The following RNF216 variants were observed in gnomAD, a reference collection of about 807,000 sequenced individuals.
The protein encoded by RNF216 is ring finger protein 216, also known as E3 ubiquitin-protein ligase RNF216.
A neutral mutation model predicts 110.8 loss-of-function variants in RNF216; 72 were observed. The observed-to-expected ratio is 0.65, with a 90% CI of 0.54 to 0.79. RNF216 has a LOEUF of 0.79. Ranked by LOEUF, RNF216 falls within the 30% of genes least tolerant of loss-of-function variation. The pLI is 0.00. For synonymous variants in RNF216, 495 were observed against 407.5 expected, an observed-to-expected ratio of 1.21 and a Z score of -2.59; for missense variants, 1,342 against 1,141.2, an observed-to-expected ratio of 1.18 and a Z score of -2.54.
chr7:5,626,667 T>C (rs996754569), intron 15 of RNF216, among the ~76,000 whole-genome samples: 1 of 148,126 alleles, frequency 6.8e-6, no homozygotes, highest in African/African-American at 2.5e-5. Context: ...GTGAAACTTG[T>C]GTTAAAAAAA....
rs113601006 is a variant in RNF216 at position 5,737,191 on chromosome 7, G to A, written c.1121+2085C>T. ...GTTCTGTACTAAGAAAAATTCTTCC[G>A]CCTTGGGATGCTGTTGATCTATTAC... On this transcript the variant is annotated intron_variant, in intron 5 of 16. Transcript: ENST00000389902. Among the ~76,000 whole-genome samples, 287 of 152,310 alleles carry A rather than the reference G, an allele frequency of 1.9e-3. 3 individuals carry two copies. Among genetic ancestry groups the A allele is most frequent in the African/African-American group, 6.6e-3 (276 of 41,566 alleles).
intron 3 of RNF216, among the ~76,000 whole-genome samples, chr7:5,743,308 ATGTC>A (rs903053020): frequency 6.6e-6 from 1 of 152,192 alleles, no homozygotes; most frequent in African/African-American, 2.4e-5. Flanking sequence ...TAAAAAATGT[ATGTC>A]TGTCATCATT....
chr7:5,778,158 C>T (rs1168546180), intron 1 of RNF216, among the ~76,000 whole-genome samples: 1 of 152,194 alleles, frequency 6.6e-6, no homozygotes, highest in Non-Finnish European at 1.5e-5. Context: ...AAAACGCTAC[C>T]ATCACCTGAC....
chr7:5,746,291 G>A (rs1289719111), intron 3 of RNF216, among the ~76,000 whole-genome samples: 1 of 152,162 alleles, frequency 6.6e-6, no homozygotes, highest in Non-Finnish European at 1.5e-5. Flanking sequence ...CAGGGCACAG[G>A]ACTTTTGGGA....
intron 1 of RNF216, among the ~76,000 whole-genome samples, chr7:5,764,111 A>G (rs1342911581): frequency 6.6e-6 from 1 of 152,064 alleles, no homozygotes; most frequent in Non-Finnish European, 1.5e-5. Flanking sequence ...GAATTGCTTC[A>G]ACCAGGGAGG....
chr7:5,626,370 C>A (rs1472169474), intron 15 of RNF216, among the ~76,000 whole-genome samples: 3 of 151,214 alleles, frequency 2.0e-5, no homozygotes, highest in Non-Finnish European at 4.4e-5. Context: ...AGCTGGCAAG[C>A]CTCTTCATTT....
intron 14 of RNF216, among the ~76,000 whole-genome samples, chr7:5,651,669 A>G (rs1788398468): frequency 6.7e-6 from 1 of 148,524 alleles, no homozygotes; most frequent in Non-Finnish European, 1.5e-5. Flanking sequence ...TTTTTTTTTG[A>G]GACGGAGTCT....
intron 13 of RNF216, among the ~76,000 whole-genome samples, chr7:5,678,417 C>T (rs1249008708): frequency 6.6e-6 from 1 of 152,168 alleles, no homozygotes; most frequent in South Asian, 2.1e-4. Flanking sequence ...GACTGACCTA[C>T]GTTACCACCT....
chr7:5,716,881 G>A, intron 9 of RNF216, 115 bp from the exon 10 acceptor site: 1 of 727,742 alleles, frequency 1.4e-6, no homozygotes, highest in Non-Finnish European at 2.2e-6. Context: ...CAATTACACA[G>A]TTTAGCAGTT....
chr7:5,723,642 G>A (rs1056763631), intron 8 of RNF216, among the ~76,000 whole-genome samples: 6 of 150,162 alleles, frequency 4.0e-5, no homozygotes, highest in South Asian at 2.1e-4. Flanking sequence ...GCAAGACTCC[G>A]TCTCAAAAAA....
At chr7:5,733,786 G>A (rs542202323) in intron 5 of RNF216, among the ~76,000 whole-genome samples, 54 of 152,136 alleles carry the variant, frequency 3.5e-4, no homozygotes, top group African/African-American at 1.1e-3. Context: ...TGTCACTTAT[G>A]CTACTTCATG....
At chr7:5,623,259 C>T (rs1786504402) in intron 16 of RNF216, 80 bp from the exon 17 acceptor site, 1 of 1,350,732 alleles carries the variant, frequency 7.4e-7, no homozygotes, top group East Asian at 2.3e-5. Flanking sequence ...GGGCAGCGAC[C>T]TCTGGACACG....
At chr7:5,760,219 T>G (rs2128670082) in intron 2 of RNF216, among the ~76,000 whole-genome samples, 1 of 152,198 alleles carries the variant, frequency 6.6e-6, no homozygotes. Context: ...CCCAAAACTT[T>G]AAAAACTGTA....
chr7:5,703,872 G>A (rs1288316696), intron 13 of RNF216, among the ~76,000 whole-genome samples: 1 of 152,196 alleles, frequency 6.6e-6, no homozygotes, highest in African/African-American at 2.4e-5. Flanking sequence ...AGTTTATAAA[G>A]CAAAGTTATG....
At chr7:5,700,809 C>T (rs1466058828) in intron 13 of RNF216, among the ~76,000 whole-genome samples, 2 of 152,158 alleles carry the variant, frequency 1.3e-5, no homozygotes, top group Admixed American at 6.5e-5. Context: ...CAAGCCTGCC[C>T]GCTGCCATGG....
chr7:5,764,940 C>T (rs1796124230), intron 1 of RNF216, among the ~76,000 whole-genome samples: 1 of 151,806 alleles, frequency 6.6e-6, no homozygotes, highest in South Asian at 2.1e-4. Context: ...CATGGTGGCA[C>T]ACATCTGTGA....
intron 13 of RNF216, among the ~76,000 whole-genome samples, chr7:5,669,971 T>C (rs1584417460): frequency 1.3e-5 from 2 of 151,530 alleles, no homozygotes; most frequent in Non-Finnish European, 2.9e-5. Context: ...CTGCCACCCA[T>C]GCTGGAGTGC....
At position 5,741,093 on chromosome 7, in the gene RNF216, A is replaced by G. The variant is rs1794727780; in HGVS notation, c.924T>C (p.Asp308=). 2 of 1,614,004 alleles carry G rather than the reference A, an allele frequency of 1.2e-6. No individual in the cohort carries two copies. The highest frequency in any genetic ancestry group is 1.7e-5 in the Admixed American group (1 of 60,000). ...EFEDQQLASD[D]EEPGPAFPMQ... is the part of the protein sequence containing the mutation. ...TTGGAAAGGCTGGACCTGGCTCTTC[A>G]TCATCACTTGCTAACTGCTGGTCTT... Residue 308 remains aspartate, a synonymous_variant, in exon 4 of 17, where the codon GAT becomes GAC. Transcript: ENST00000389902.
chr7:5,771,076 G>C (rs1321422696), intron 1 of RNF216, among the ~76,000 whole-genome samples: 2 of 152,154 alleles, frequency 1.3e-5, no homozygotes, highest in African/African-American at 4.8e-5. Flanking sequence ...AAAGTGCTGG[G>C]ATTACAGGCG....
Sources: allele counts gnomAD v4.1 joint callset (sites outside exome capture counted in the v4.1 genomes callset), GRCh38; gene constraint gnomAD v4.1.1; transcripts MANE v1.5; gene names NCBI Gene and HGNC (gene_info 2026-07-23, HGNC 2026-07-21).